GLIS3: variants seen among roughly 807,000 people sequenced by gnomAD.
GLIS3 encodes GLIS family zinc finger 3, also known as zinc finger protein GLIS3.
Under a neutral mutation model 78.6 loss-of-function variants are expected in GLIS3, and 53 were observed. The ratio of observed to expected loss-of-function variants is 0.67; its 90% CI spans 0.54 to 0.85. The LOEUF is 0.85. Ranked by LOEUF, GLIS3 falls within the 40% of genes least tolerant of loss-of-function variation. The probability of loss-of-function intolerance (pLI) is 0.00; values close to 1 mark genes in which losing one functional copy is unlikely to be tolerated. For missense variants in GLIS3, 1,703 were observed against 1,231.1 expected, an observed-to-expected ratio of 1.38 and a Z score of -5.74; for synonymous variants, 684 against 509.9, an observed-to-expected ratio of 1.34 and a Z score of -4.60.
chr9:4,431,825 C>G, the GLIS3 span, among the ~76,000 whole-genome samples: 2 of 110,904 alleles, frequency 1.8e-5, no homozygotes, highest in Non-Finnish European at 3.5e-5. Flanking sequence ...GCCTGGGCAA[C>G]AAGAGCAAAA....
rs181906779 is a variant in GLIS3 at position 3,879,942 on chromosome 9, G to A, written c.2129-347C>T. ...GTATTAGCACTTTTCAGTCACAGGG[G>A]ATGAGAGTCAGGTAACAGAATATTT... On this transcript the variant is annotated intron_variant, in intron 7 of 10. Transcript: ENST00000381971. Among the ~76,000 whole-genome samples, 13 of 152,232 alleles carry A rather than the reference G, an allele frequency of 8.5e-5. No homozygotes were observed. The East Asian group carries it at 2.3e-3, about 27-fold the overall frequency.
chr9:4,120,619 C>G (rs954804490), intron 3 of GLIS3, among the ~76,000 whole-genome samples: 8 of 152,178 alleles, frequency 5.3e-5, no homozygotes, highest in Non-Finnish European at 7.3e-5. Flanking sequence ...GAATTGCTTT[C>G]GGACCCAAAC....
At chr9:4,483,765 T>A in the GLIS3 span, among the ~76,000 whole-genome samples, 1 of 150,282 alleles carries the variant, frequency 6.7e-6, no homozygotes, top group Non-Finnish European at 1.5e-5. Context: ...AGTGCACAAA[T>A]TCTAGAGCCA....
intron 2 of GLIS3, among the ~76,000 whole-genome samples, chr9:4,142,537 T>C (rs574103143): frequency 4.6e-4 from 70 of 152,320 alleles, no homozygotes; most frequent in African/African-American, 1.6e-3. Flanking sequence ...TCCTGTGTTC[T>C]AAACATTCTG....
At chr9:4,298,390 G>C (rs370885597) in intron 1 of GLIS3, 22 of 456,194 alleles carry the variant, frequency 4.8e-5, no homozygotes, top group African/African-American at 4.4e-4. Context: ...GTACCTAATT[G>C]AATCATCCAT....
chr9:4,280,867 A>C (rs371542261), intron 2 of GLIS3, among the ~76,000 whole-genome samples: 1 of 152,124 alleles, frequency 6.6e-6, no homozygotes, highest in Non-Finnish European at 1.5e-5. Flanking sequence ...GGAGTGGCCA[A>C]CCACTAGCAG....
chr9:4,054,231 T>C (rs1825954972), intron 4 of GLIS3: 1 of 628,086 alleles, frequency 1.6e-6, no homozygotes, highest in African/African-American at 2.0e-5. Context: ...ATCAGCTCTG[T>C]GAGGGCAGAG....
intron 2 of GLIS3, among the ~76,000 whole-genome samples, chr9:4,193,822 C>T (rs1217715408): frequency 6.6e-6 from 1 of 152,194 alleles, no homozygotes; most frequent in African/African-American, 2.4e-5. Flanking sequence ...ATTCATTTTA[C>T]CTCTGCACAT....
chr9:4,327,378 G>C (rs949866983), intron 2 of GLIS3, among the ~76,000 whole-genome samples: 1 of 152,124 alleles, frequency 6.6e-6, no homozygotes, highest in African/African-American at 2.4e-5. Context: ...TTGTGATCCA[G>C]TTTGAGCTTT....
intron 2 of GLIS3, among the ~76,000 whole-genome samples, chr9:4,266,140 G>A (rs572978760): frequency 2.6e-5 from 4 of 151,782 alleles, no homozygotes; most frequent in South Asian, 2.1e-4. Context: ...GGATGGTCTC[G>A]ATCTCCTGAC....
the GLIS3 span, among the ~76,000 whole-genome samples, chr9:4,420,929 T>C: frequency 1.3e-5 from 2 of 152,238 alleles, no homozygotes; most frequent in African/African-American, 2.4e-5. Flanking sequence ...TTCATTTTTG[T>C]AGCACTTGCA....
chr9:4,416,559 T>C, the GLIS3 span, among the ~76,000 whole-genome samples: 1 of 152,280 alleles, frequency 6.6e-6, no homozygotes, highest in Non-Finnish European at 1.5e-5. Flanking sequence ...TAAATTGTCA[T>C]ATTTCTTTCT....
chr9:4,266,680 G>C (rs999038842), intron 2 of GLIS3, among the ~76,000 whole-genome samples: 1 of 151,754 alleles, frequency 6.6e-6, no homozygotes, highest in Non-Finnish European at 1.5e-5. Context: ...ATGAATGACA[G>C]CCACTATGAT....
intron 2 of GLIS3, among the ~76,000 whole-genome samples, chr9:4,265,426 T>C: frequency 1.4e-5 from 2 of 143,510 alleles, no homozygotes. Context: ...TTGCTCAAGG[T>C]CCCAGAGCTG....
intron 4 of GLIS3, among the ~76,000 whole-genome samples, chr9:4,043,712 A>G (rs773461168): frequency 2.1e-4 from 32 of 152,208 alleles, no homozygotes; most frequent in Non-Finnish European, 4.0e-4. Context: ...AAACTAACAG[A>G]AAGATCTGTT....
At chr9:4,052,467 T>G (rs893276534) in intron 4 of GLIS3, among the ~76,000 whole-genome samples, 2 of 152,130 alleles carry the variant, frequency 1.3e-5, no homozygotes, top group East Asian at 3.9e-4. Flanking sequence ...GAAAGCCCTA[T>G]AGCCATTTAG....
At chr9:4,061,919 T>A (rs1826687828) in intron 4 of GLIS3, among the ~76,000 whole-genome samples, 1 of 152,192 alleles carries the variant, frequency 6.6e-6, no homozygotes, top group South Asian at 2.1e-4. Context: ...TTCCTCTGCC[T>A]AGGAGATCTG....
intron 2 of GLIS3, among the ~76,000 whole-genome samples, chr9:4,328,386 A>G (rs995762301): frequency 1.3e-5 from 2 of 152,310 alleles, no homozygotes; most frequent in East Asian, 1.9e-4. Flanking sequence ...AGAGGTGTTC[A>G]TGGCTCAGAG....
At chr9:4,171,829 C>T (rs747505145) in intron 2 of GLIS3, among the ~76,000 whole-genome samples, 2 of 152,118 alleles carry the variant, frequency 1.3e-5, no homozygotes, top group African/African-American at 4.8e-5. Context: ...ACTCAAACGT[C>T]AAATTGGCTG....
Sources: allele counts gnomAD v4.1 joint callset (sites outside exome capture counted in the v4.1 genomes callset), GRCh38; gene constraint gnomAD v4.1.1; transcripts MANE v1.5; gene names NCBI Gene and HGNC (gene_info 2026-07-23, HGNC 2026-07-21).